Variants in NSD3 observed in about 807,000 individuals in gnomAD.
NSD3 encodes nuclear receptor binding SET domain protein 3.
NSD3 carries 24 observed loss-of-function variants against 160.8 expected under a neutral mutation model. That is an observed-to-expected ratio of 0.15 (90% CI 0.11 to 0.21). NSD3 has a LOEUF of 0.21. Among genes scored for constraint, NSD3 ranks in the 10% least tolerant of loss-of-function variants. The probability of loss-of-function intolerance (pLI) is 1.00; values close to 1 mark genes in which losing one functional copy is unlikely to be tolerated. For missense variants in NSD3, 1,157 were observed against 1,735.9 expected (o/e 0.67, Z 5.93); for synonymous variants, 520 against 600.0 (o/e 0.87, Z 1.95).
In NSD3 at chr8:38,303,689, C is replaced by T. The variant is rs535977498; in HGVS notation, c.2611+898G>A. ...TGTCTCCTAAAGCAAAAGCAACCAA[C>T]CAAACAAAAACCACTTTCATGTTCA... On this transcript the variant is annotated intron_variant, in intron 14 of 23. Transcript: ENST00000317025. 2.9e-4 allele frequency among the ~76,000 whole-genome samples: 44 copies of T among 152,282 alleles called. No homozygotes were observed. The South Asian group carries it at 8.9e-3, about 31-fold the overall frequency.
At chr8:38,346,440 G>A (rs757020420) in intron 2 of NSD3, among the ~76,000 whole-genome samples, 1 of 149,252 alleles carries the variant, frequency 6.7e-6, no homozygotes, top group Non-Finnish European at 1.5e-5. Flanking sequence ...ATATGTGTGT[G>A]TATTTTCTGG....
chr8:38,321,297 A>C lies in NSD3; in HGVS notation c.1709-125T>G, dbSNP rs1341032094. On this transcript the variant is annotated intron_variant, in intron 7 of 23. Coordinates refer to ENST00000317025, the MANE Select transcript of NSD3 (RefSeq NM_023034.2). This position sits in a 1 kb window ranked among gnomAD's most constrained non-coding sequence, Gnocchi z 4.7. Reference sequence around the variant, plus strand: ...TACTTTTGGAATTTTAATTAAAATCATTAAAAAATGCTAAACATTCAGGAG... The same window carrying C: ...TACTTTTGGAATTTTAATTAAAATCCTTAAAAAATGCTAAACATTCAGGAG... 1.5e-6 allele frequency: 1 copy of C among 687,064 alleles called. No individual in the cohort carries two copies. Among genetic ancestry groups the C allele is most frequent in the Non-Finnish European group, 2.3e-6 (1 of 427,100 alleles). The allele number at this position is 687,064 out of a possible 1,614,324, so 42.6% of individuals were successfully genotyped here.
At chr8:38,344,661 CAAAGT>C (rs1311424446) in intron 2 of NSD3, among the ~76,000 whole-genome samples, 1 of 152,098 alleles carries the variant, frequency 6.6e-6, no homozygotes, top group Admixed American at 6.5e-5. Flanking sequence ...ACAACAACAA[CAAAGT>C]AAAGTAAAAG....
Position 38,308,585 on chromosome 8 carries a change from G to A in NSD3, c.2243-3140C>T, listed in dbSNP as rs548986826. On this transcript the variant is annotated intron_variant, in intron 12 of 23. Coordinates refer to ENST00000317025, the MANE Select transcript of NSD3 (RefSeq NM_023034.2). ...TGTAATCCCAGCCCTTTGGGAGGCC[G>A]AGGCGGGAGGATCACTTGAGCACAG... is the stretch of plus-strand genomic sequence containing the variant. Among the ~76,000 whole-genome samples, 11 of 151,194 alleles carry A rather than the reference G, an allele frequency of 7.3e-5. 1 individual carries two copies. In the South Asian group the frequency reaches 1.7e-3, roughly 23 times the overall value.
chr8:38,349,583 T>C (rs1280669261), intron 1 of NSD3, among the ~76,000 whole-genome samples: 1 of 150,748 alleles, frequency 6.6e-6, no homozygotes, highest in Non-Finnish European at 1.5e-5. Flanking sequence ...GGTTATACTA[T>C]GTCAATGAAC....
chr8:38,289,447 T>G lies in NSD3; in HGVS notation c.3177A>C (p.Glu1059Asp). ...TTGAGTTTTTTTCAATCTCTAGGGC[T>G]TCTTTACTTTCTCTTTGTGCTTTCA... ...QELKAQRESK[E>D]ALEIEKNSRK... Residue 1059 changes from glutamate to aspartate, a missense_variant, in exon 18 of 24, where the codon GAA (glutamate) becomes GAC (aspartate). Glu to Asp is a conservative substitution (Grantham distance 45). Transcript: ENST00000317025. 1 of 1,614,054 alleles carries G rather than the reference T, an allele frequency of 6.2e-7. No homozygotes were observed. The highest frequency in any genetic ancestry group is 1.6e-4 in the Middle Eastern group (1 of 6,062).
intron 7 of NSD3, among the ~76,000 whole-genome samples, chr8:38,326,528 A>T (rs1809915372): frequency 6.6e-6 from 1 of 152,252 alleles, no homozygotes; most frequent in Admixed American, 6.5e-5. Flanking sequence ...TAATTCTTGT[A>T]CAAAAAATAA....
chr8:38,349,093 T>C (rs1311942382), intron 1 of NSD3, among the ~76,000 whole-genome samples: 2 of 152,246 alleles, frequency 1.3e-5, no homozygotes, highest in Non-Finnish European at 2.9e-5. Context: ...CATTTTTACA[T>C]ATAAATTTTT....
chr8:38,290,607 C>T lies in NSD3; in HGVS notation c.2986G>A (p.Gly996Arg), dbSNP rs771002708. ...CCAAAGAAGAATACAGGGAAGTCCCCCAAGTCATGTTTAAGGCCCTGGATG... is the reference window on the plus strand; with the variant it reads ...CCAAAGAAGAATACAGGGAAGTCCCTCAAGTCATGTTTAAGGCCCTGGATG... The part of the protein sequence containing the change: ...LNIQGLKHDL[G>R]DFPVFFFGSH... The change falls in exon 17 of 24, where the codon GGG becomes AGG. Residue 996 changes from glycine to arginine, a missense_variant. Gly to Arg is a moderately radical substitution (Grantham distance 125). This residue lies in a region of NSD3 where 437 missense variants were observed against 576.6 expected (regional missense o/e 0.76). Coordinates refer to ENST00000317025, the MANE Select transcript of NSD3 (RefSeq NM_023034.2). The T allele has an allele frequency of 1.2e-6, 2 of 1,614,036 alleles. No homozygotes were observed. The highest frequency in any genetic ancestry group is 1.7e-6 in the Non-Finnish European group (2 of 1,179,926).
rs1288439942 is a variant in NSD3, at chr8:38,337,385, T to C, written c.830A>G (p.Lys277Arg). ...AGGCCACCAAGGATAGGTTCCCACC[T>C]TGGACCACACAAGATCGCCAACCTG... ...KFQVGDLVWS[K>R]VGTYPWWPCM... The change falls in exon 4 of 24, where the codon AAG becomes AGG. Residue 277 changes from lysine to arginine, a missense_variant. By Grantham distance (26) the Lys-to-Arg change is conservative. Around this residue, in one of 10 missense-constraint regions of NSD3, gnomAD observed 99 missense variants for 151.8 expected, o/e 0.65. Coordinates refer to ENST00000317025, the MANE Select transcript of NSD3 (RefSeq NM_023034.2). 6.2e-7 allele frequency: 1 copy of C among 1,612,948 alleles called. No individual in the cohort carries two copies.
Position 38,317,598 on chromosome 8 carries a change from T to C in NSD3, c.1855+1297A>G. 1 of 1,106,994 alleles carries C rather than the reference T, an allele frequency of 9.0e-7. No homozygotes were observed. The highest frequency in any genetic ancestry group is 3.5e-5 in the South Asian group (1 of 28,700). The allele number at this position is 1,106,994 out of a possible 1,614,324, so 68.6% of individuals were successfully genotyped here. A position where few individuals can be genotyped will look rare whatever the true frequency, so the allele number is the denominator to read the frequency against. ...AAGAACTTTTAATGATTGTAATGTA[T>C]ACAGTTTGGGCTGTTTGGCAAACCC... On this transcript the variant is annotated intron_variant, in intron 9 of 23. Transcript: ENST00000317025. This position sits in a 1 kb window ranked among gnomAD's most constrained non-coding sequence, Gnocchi z 5.3.
chr8:38,298,719 A>G (rs550427472), intron 15 of NSD3, among the ~76,000 whole-genome samples: 2 of 152,332 alleles, frequency 1.3e-5, no homozygotes, highest in Admixed American at 1.3e-4. Flanking sequence ...TTGTTAAATC[A>G]TTTTTATAAC....
intron 22 of NSD3, 25 bp downstream of exon 22, chr8:38,278,281 G>A (rs1185498409): frequency 1.9e-6 from 3 of 1,604,592 alleles, no homozygotes; most frequent in South Asian, 1.1e-5. Context: ...CCTGTTGACT[G>A]GGGGCGCTCC....
chr8:38,275,778 C>T lies in NSD3; in HGVS notation c.4177G>A (p.Ala1393Thr), dbSNP rs1365465160. The change falls in exon 24 of 24, where the codon GCC becomes ACC. Residue 1393 changes from alanine to threonine, a missense_variant. Transcript: ENST00000317025. ...HSFCKDHEKGALVPSALEGRL... is the reference protein window; with the variant it reads ...HSFCKDHEKGTLVPSALEGRL... The stretch of plus-strand genomic sequence containing the variant: ...CCTTCCAGTGCAGAGGGAACCAGGG[C>T]CCCCTTTTCATGATCTTTACAAAAT... The T allele has an allele frequency of 6.2e-7, 1 of 1,613,992 alleles. No individual in the cohort carries two copies. Among genetic ancestry groups the T allele is most frequent in the Non-Finnish European group, 8.5e-7 (1 of 1,180,038 alleles).
intron 1 of NSD3, among the ~76,000 whole-genome samples, chr8:38,358,469 G>A (rs1810878304): frequency 1.3e-5 from 2 of 152,116 alleles, no homozygotes; most frequent in Non-Finnish European, 2.9e-5. Context: ...AGTACATGCA[G>A]ACAGTCTACA....
chr8:38,345,700 C>G (rs1031509206), intron 2 of NSD3, among the ~76,000 whole-genome samples: 1 of 150,850 alleles, frequency 6.6e-6, no homozygotes, highest in Non-Finnish European at 1.5e-5. Flanking sequence ...CACCTGAGGT[C>G]GGGAGTTTGA....
intron 4 of NSD3, among the ~76,000 whole-genome samples, chr8:38,335,174 T>C (rs1483720067): frequency 3.9e-5 from 6 of 152,062 alleles, no homozygotes; most frequent in African/African-American, 1.4e-4. Flanking sequence ...TTTCAGTAGA[T>C]ATGGGGTTTC....
chr8:38,291,833 GGAATAACTAGTTATTGAAAATAAA>G (rs1809003221), intron 16 of NSD3, among the ~76,000 whole-genome samples: 1 of 152,098 alleles, frequency 6.6e-6, no homozygotes, highest in African/African-American at 2.4e-5. Flanking sequence ...GCAACACATT[GGAATAACTAGTTATTGAAAATAAA>G]CAGCTTCATG....
At chr8:38,300,108 C>G (rs1414711770) in intron 14 of NSD3, among the ~76,000 whole-genome samples, 1 of 151,942 alleles carries the variant, frequency 6.6e-6, no homozygotes, top group Non-Finnish European at 1.5e-5. Flanking sequence ...ACTTTCTCTG[C>G]CAGATAATGA....
Sources: gnomAD v4.1 joint callset for allele counts (sites outside exome capture counted in the v4.1 genomes callset) on GRCh38, gnomAD v4.1.1 for gene constraint, gnomAD v4.1.1 regional missense constraint, Gnocchi (gnomAD v3.1) non-coding constraint, MANE v1.5 for transcripts, NCBI Gene and HGNC (gene_info 2026-07-23, HGNC 2026-07-21) for gene names.